The following MECOM variants were observed in gnomAD, a reference collection of about 807,000 sequenced individuals.
The protein encoded by MECOM is MDS1 and EVI1 complex locus.
MECOM carries 13 observed loss-of-function variants against 116.3 expected under a neutral mutation model. The ratio of observed to expected loss-of-function variants is 0.11; its 90% CI spans 0.07 to 0.18. The LOEUF is 0.18. MECOM is among the 10% of genes least tolerant of loss of function. The pLI is 1.00. For missense variants in MECOM, 1,299 were observed against 1,509.0 expected (o/e 0.86, Z 2.31); for synonymous variants, 528 against 535.2 (o/e 0.99, Z 0.19).
At chr3:169,521,430 C>T (rs1757339989) in intron 1 of MECOM, among the ~76,000 whole-genome samples, 1 of 152,056 alleles carries the variant, frequency 6.6e-6, no homozygotes, top group Admixed American at 6.6e-5. Context: ...GTGTCCATTC[C>T]CAAGAAAAAG....
intron 2 of MECOM, among the ~76,000 whole-genome samples, chr3:169,357,927 C>T (rs1727547850): frequency 6.6e-6 from 1 of 151,704 alleles, no homozygotes; most frequent in African/African-American, 2.4e-5. Flanking sequence ...ACACACCACA[C>T]ACACTTTGAA....
At chr3:169,496,879 G>T (rs576669101) in intron 1 of MECOM, among the ~76,000 whole-genome samples, 1 of 152,246 alleles carries the variant, frequency 6.6e-6, no homozygotes, top group South Asian at 2.1e-4. Flanking sequence ...AGCTGTGATG[G>T]CTACAGAAAA....
chr3:169,087,317 G>A (rs550113820), intron 16 of MECOM, among the ~76,000 whole-genome samples: 16 of 152,100 alleles, frequency 1.1e-4, no homozygotes, highest in Non-Finnish European at 2.1e-4. Context: ...ACCATGGCCA[G>A]GTGCAATGGG....
At chr3:169,470,397 C>T (rs915924735) in intron 1 of MECOM, among the ~76,000 whole-genome samples, 7 of 152,162 alleles carry the variant, frequency 4.6e-5, no homozygotes, top group African/African-American at 1.7e-4. Flanking sequence ...AAAAAACGAG[C>T]TTCTTGATGA....
At chr3:169,544,060 G>A (rs1288203940) in intron 1 of MECOM, among the ~76,000 whole-genome samples, 8 of 152,086 alleles carry the variant, frequency 5.3e-5, no homozygotes, top group African/African-American at 1.9e-4. Flanking sequence ...TAATTTTTTT[G>A]TATTTTTAGG....
intron 1 of MECOM, among the ~76,000 whole-genome samples, chr3:169,451,754 T>A (rs1745640789): frequency 6.6e-6 from 1 of 152,132 alleles, no homozygotes; most frequent in South Asian, 2.1e-4. Context: ...TTACACAAAA[T>A]TTCTATCGCT....
rs114219665 is a variant in MECOM, at chr3:169,617,541, T to C, written c.37+45795A>G. Among the ~76,000 whole-genome samples the C allele has an allele frequency of 6.5e-3, 995 of 152,306 alleles. 8 individuals carry two copies. Among genetic ancestry groups the C allele is most frequent in the African/African-American group, 0.022 (930 of 41,568 alleles). On this transcript the variant is annotated intron_variant, in intron 1 of 16. Transcript: ENST00000651503. Reference sequence around the variant, plus strand: ...TAAAAGTTCCACTAGGTGTCTTCTTTCCTGCCAGTCCAAATGAAGTTAAGA... The same window carrying C: ...TAAAAGTTCCACTAGGTGTCTTCTTCCCTGCCAGTCCAAATGAAGTTAAGA...
At chr3:169,207,590 A>G (rs375082485) in intron 2 of MECOM, among the ~76,000 whole-genome samples, 10 of 152,218 alleles carry the variant, frequency 6.6e-5, no homozygotes, top group African/African-American at 2.2e-4. Context: ...ATATAAGTAC[A>G]TATGTGTATA....
chr3:169,468,795 C>G (rs1218265074), intron 1 of MECOM, among the ~76,000 whole-genome samples: 2 of 152,146 alleles, frequency 1.3e-5, no homozygotes, highest in African/African-American at 4.8e-5. Flanking sequence ...AAATGACAAC[C>G]ACTCTGATCT....
At chr3:169,368,749 T>C (rs1729598142) in intron 2 of MECOM, among the ~76,000 whole-genome samples, 2 of 152,054 alleles carry the variant, frequency 1.3e-5, no homozygotes, top group Non-Finnish European at 2.9e-5. Context: ...GTCCCTATAA[T>C]TGCCAAATCC....
At chr3:169,461,693 T>C (rs1351693521) in intron 1 of MECOM, among the ~76,000 whole-genome samples, 1 of 152,176 alleles carries the variant, frequency 6.6e-6, no homozygotes, top group Non-Finnish European at 1.5e-5. Context: ...TGGTAAGTTA[T>C]AGACGCATAT....
rs16853349 is a variant in MECOM, at chr3:169,234,586, A to G, written c.376-90754T>C. Among the ~76,000 whole-genome samples, 34 of 152,322 alleles carry G rather than the reference A, an allele frequency of 2.2e-4. No individual in the cohort carries two copies. The East Asian group carries it at 6.0e-3, about 27-fold the overall frequency. On this transcript the variant is annotated intron_variant, in intron 2 of 16. Transcript: ENST00000651503. ...AAAAAAAATCTGGTAAACTTACTAA[A>G]GAGCCTTCAATAATTTGAGATGGCT...
At chr3:169,491,173 T>C (rs183448353) in intron 1 of MECOM, among the ~76,000 whole-genome samples, 7 of 152,274 alleles carry the variant, frequency 4.6e-5, no homozygotes, top group Non-Finnish European at 1.0e-4. Context: ...ATTTCATAAT[T>C]AAAAATCAAA....
intron 2 of MECOM, among the ~76,000 whole-genome samples, chr3:169,149,240 CA>C (rs545463872): frequency 1.1e-4 from 17 of 152,226 alleles, no homozygotes; most frequent in African/African-American, 3.6e-4. Flanking sequence ...GCGGCCTGAT[CA>C]GGGGGTCTGG....
At chr3:169,161,482 T>C (rs1742840259) in intron 2 of MECOM, among the ~76,000 whole-genome samples, 1 of 152,100 alleles carries the variant, frequency 6.6e-6, no homozygotes, top group Non-Finnish European at 1.5e-5. Flanking sequence ...AAAGACTTTT[T>C]TTTCCTGATT....
At chr3:169,512,025 A>T (rs1756034870) in intron 1 of MECOM, among the ~76,000 whole-genome samples, 1 of 152,142 alleles carries the variant, frequency 6.6e-6, no homozygotes, top group East Asian at 1.9e-4. Context: ...TAGATAATTT[A>T]TTTAACTGCT....
At chr3:169,440,707 A>G (rs1256830538) in intron 1 of MECOM, among the ~76,000 whole-genome samples, 1 of 152,162 alleles carries the variant, frequency 6.6e-6, no homozygotes, top group Non-Finnish European at 1.5e-5. Context: ...GGGATAAACC[A>G]TATGCCCTCC....
At chr3:169,206,813 C>A (rs777013612) in intron 2 of MECOM, among the ~76,000 whole-genome samples, 25 of 150,130 alleles carry the variant, frequency 1.7e-4, no homozygotes, top group Non-Finnish European at 3.4e-4. Flanking sequence ...ATCAAAATTT[C>A]TAAGTGTGTA....
In MECOM at chr3:169,589,635, C is replaced by T. The variant is rs75166225; in HGVS notation, c.37+73701G>A. ...TATGGCATGCTATTCCCCACTGTCT[C>T]CCCTCCCCAACCCCCACTGATTTAT... On this transcript the variant is annotated intron_variant, in intron 1 of 16. Transcript: ENST00000651503. Among the ~76,000 whole-genome samples, 2,475 of 152,192 alleles carry T rather than the reference C, an allele frequency of 0.016. 230 individuals are homozygous for T. In the East Asian group the frequency reaches 0.29, roughly 18 times the overall value.
Sources: gnomAD v4.1 joint callset for allele counts (sites outside exome capture counted in the v4.1 genomes callset) on GRCh38, gnomAD v4.1.1 for gene constraint, MANE v1.5 for transcripts, NCBI Gene and HGNC (gene_info 2026-07-23, HGNC 2026-07-21) for gene names.